R3HDM1: variants seen among roughly 807,000 people sequenced by gnomAD.
R3HDM1 encodes R3H domain containing 1.
R3HDM1 carries 46 observed loss-of-function variants against 141.1 expected under a neutral mutation model. That is an observed-to-expected ratio of 0.33 (90% CI 0.26 to 0.42). The LOEUF is 0.42. R3HDM1 is among the 10% of genes least tolerant of loss of function. R3HDM1 has a pLI of 1.00. For synonymous variants in R3HDM1, 435 were observed against 472.9 expected (o/e 0.92, Z 1.04); for missense variants, 1,184 against 1,368.3 (o/e 0.87, Z 2.12).
chr2:135,619,695 A>G, intron 5 of R3HDM1: 3 of 941,752 alleles, frequency 3.2e-6, no homozygotes, highest in Non-Finnish European at 3.8e-6. Context: ...AGGTACTAGT[A>G]TCTAATCCTT....
chr2:135,588,392 A>C (rs1708435191), intron 1 of R3HDM1, among the ~76,000 whole-genome samples: 3 of 148,432 alleles, frequency 2.0e-5, no homozygotes, highest in South Asian at 2.2e-4. Flanking sequence ...TTCCCACCCT[A>C]CTCCCAGATC....
At chr2:135,561,007 G>A (rs1158939921) in intron 1 of R3HDM1, among the ~76,000 whole-genome samples, 4 of 152,242 alleles carry the variant, frequency 2.6e-5, no homozygotes, top group Admixed American at 6.5e-5. Context: ...ACTAACTTCT[G>A]TGCTTGTCAC....
At chr2:135,570,809 T>G (rs1703936293) in intron 1 of R3HDM1, among the ~76,000 whole-genome samples, 1 of 152,258 alleles carries the variant, frequency 6.6e-6, no homozygotes, top group Admixed American at 6.5e-5. Context: ...CCAGGTCCTT[T>G]GCTCTTTTAT....
chr2:135,722,373 C>G, intron 25 of R3HDM1, 96 bp from the exon 26 acceptor site: 3 of 1,333,368 alleles, frequency 2.2e-6, no homozygotes, highest in South Asian at 1.4e-5. Context: ...AGTGCAAAAC[C>G]CAAACTAAAG....
chr2:135,652,140 T>C, intron 18 of R3HDM1, 108 bp downstream of exon 18: 1 of 1,429,944 alleles, frequency 7.0e-7, no homozygotes, highest in Non-Finnish European at 9.2e-7. Flanking sequence ...TTTGTGAGAG[T>C]ATATAAACAA....
intron 7 of R3HDM1, among the ~76,000 whole-genome samples, chr2:135,624,739 G>C (rs2061838374): frequency 6.6e-6 from 1 of 152,112 alleles, no homozygotes; most frequent in Non-Finnish European, 1.5e-5. Flanking sequence ...AGATTACTTT[G>C]GTGTTTTAGA....
chr2:135,706,129 GAA>G (rs1202285123), intron 21 of R3HDM1, among the ~76,000 whole-genome samples: 11 of 95,072 alleles, frequency 1.2e-4, no homozygotes, highest in African/African-American at 2.4e-4. Flanking sequence ...ACTCCATCTC[GAA>G]AAAAAAAAAA....
In R3HDM1 at chr2:135,709,947, A is replaced by G. The variant is rs186990945; in HGVS notation, c.2564-112A>G. On this transcript the variant is annotated intron_variant, in intron 22 of 26. Transcript: ENST00000683871. ...GGCTTCAACCTGGTTTTCTTAGTTA[A>G]TAGTAAAATTTTATTCAGAAATGTA... The G allele has an allele frequency of 3.0e-4, 344 of 1,134,402 alleles. 1 individual carries two copies. In the African/African-American group the frequency reaches 4.9e-3, roughly 16 times the overall value. 70.3% of individuals were successfully genotyped at this position (1,134,402 alleles called of 1,614,324 possible).
intron 16 of R3HDM1, among the ~76,000 whole-genome samples, chr2:135,647,790 A>G (rs1433175787): frequency 3.9e-5 from 6 of 152,206 alleles, no homozygotes; most frequent in Non-Finnish European, 5.9e-5. Context: ...CGTAAAACCA[A>G]TTACTTTAGG....
In R3HDM1 at chr2:135,622,041, T is replaced by C; in HGVS notation, c.418+433T>C. The C allele has an allele frequency of 3.0e-6, 3 of 984,572 alleles. No individual in the cohort carries two copies. In the South Asian group the frequency reaches 1.4e-4, roughly 46 times the overall value. The allele number at this position is 984,572 out of a possible 1,614,324, so 61.0% of individuals were successfully genotyped here. ...GGAGGGTCTTCACTATTACCTAGCA[T>C]TGCAGATCAATAGAAATGCTTTTTA... On this transcript the variant is annotated intron_variant, in intron 6 of 26. Coordinates refer to ENST00000683871, the MANE Select transcript of R3HDM1 (RefSeq NM_001378107.1).
In R3HDM1 at chr2:135,724,136, C is replaced by T. The variant is rs2076972437; in HGVS notation, c.3249C>T (p.Asp1083=). Residue 1083 remains aspartate (D), a synonymous_variant, in exon 27 of 27, where the codon GAC becomes GAT. Transcript: ENST00000683871. ...TANPERSKPS[D]LASTYTVLAT... ...ACCCTGAACGCTCTAAACCCAGTGACTTGGCCTCCACCTACACCGTCTTAG... is the reference window on the plus strand; with the variant it reads ...ACCCTGAACGCTCTAAACCCAGTGATTTGGCCTCCACCTACACCGTCTTAG... The T allele has an allele frequency of 1.9e-6, 3 of 1,613,972 alleles. No homozygotes were observed. The highest frequency in any genetic ancestry group is 3.3e-5 in the Admixed American group (2 of 59,990).
chr2:135,613,391 A>G (rs1258348329), intron 3 of R3HDM1, among the ~76,000 whole-genome samples: 2 of 152,082 alleles, frequency 1.3e-5, no homozygotes, highest in Non-Finnish European at 2.9e-5. Flanking sequence ...CACGCTTTAA[A>G]TCTCTCTGAC....
chr2:135,651,865 ACAG>A lies in R3HDM1; in HGVS notation c.1866_1868del (p.Ala623del). 2 of 1,613,998 alleles carry A rather than the reference ACAG, an allele frequency of 1.2e-6. No individual in the cohort carries two copies. Among genetic ancestry groups the A allele is most frequent in the Non-Finnish European group, 1.7e-6 (2 of 1,179,948 alleles). ...TCCACAGCAGTCTGGTTATATCATG[ACAG>A]CAGCCCCTCCACCACATCCTCCTCC... On this transcript the variant is annotated inframe_deletion, in exon 18 of 27. Transcript: ENST00000683871.
chr2:135,573,202 C>T (rs1704549318), intron 1 of R3HDM1, among the ~76,000 whole-genome samples: 1 of 152,146 alleles, frequency 6.6e-6, no homozygotes, highest in Non-Finnish European at 1.5e-5. Flanking sequence ...AGGAGGACTT[C>T]CAAATAGCTA....
chr2:135,588,780 A>G (rs961576021), intron 1 of R3HDM1, among the ~76,000 whole-genome samples: 2 of 152,168 alleles, frequency 1.3e-5, no homozygotes, highest in African/African-American at 2.4e-5. Context: ...TTAAGGATAC[A>G]TAAGATAATA....
chr2:135,721,337 G>A (rs1207602076), intron 24 of R3HDM1, among the ~76,000 whole-genome samples: 1 of 152,116 alleles, frequency 6.6e-6, no homozygotes, highest in Non-Finnish European at 1.5e-5. Flanking sequence ...AGCCAGGCAT[G>A]GTAGTTTGTG....
intron 19 of R3HDM1, chr2:135,667,549 A>T: frequency 1.4e-6 from 1 of 734,710 alleles, no homozygotes; most frequent in Non-Finnish European, 1.7e-6. Context: ...TTTCCAGATT[A>T]AATTCAGATG....
intron 16 of R3HDM1, among the ~76,000 whole-genome samples, chr2:135,648,904 C>T (rs1205716483): frequency 6.8e-6 from 1 of 147,226 alleles, no homozygotes; most frequent in Admixed American, 6.7e-5. Flanking sequence ...CAGCTCCTAA[C>T]ATGTACTATC....
chr2:135,611,446 C>G (rs2060542938), intron 3 of R3HDM1, among the ~76,000 whole-genome samples: 1 of 152,098 alleles, frequency 6.6e-6, no homozygotes, highest in Non-Finnish European at 1.5e-5. Context: ...TAGAGCCTAG[C>G]AAATGGTAGG....
Sources: gnomAD v4.1 joint callset for allele counts (sites outside exome capture counted in the v4.1 genomes callset) on GRCh38, gnomAD v4.1.1 for gene constraint, MANE v1.5 for transcripts, NCBI Gene and HGNC (gene_info 2026-07-23, HGNC 2026-07-21) for gene names.